BRME1: variants seen among roughly 807,000 people sequenced by gnomAD.
BRME1 encodes the protein BRCA2 and MEILB2-associating protein 1.
Under a neutral mutation model 52.6 loss-of-function variants are expected in BRME1, and 31 were observed. That is an observed-to-expected ratio of 0.59 (90% confidence interval 0.44 to 0.80). BRME1 has a LOEUF of 0.80. BRME1 is among the 30% of genes least tolerant of loss of function. BRME1 has a pLI of 0.00. For missense variants in BRME1, 804 were observed against 860.3 expected, an observed-to-expected ratio of 0.93 and a Z score of 0.82; for synonymous variants, 359 against 353.6, an observed-to-expected ratio of 1.02 and a Z score of -0.17.
intron 2 of BRME1, among the ~76,000 whole-genome samples, chr19:13,896,609 TATACATATGTATTTATAC>T (rs879686726): frequency 0.011 from 1,590 of 147,744 alleles, 8 homozygotes; most frequent in Non-Finnish European, 0.018. Context: ...TATATATATT[TATACATATGTATTTATAC>T]ATACATATGT....
chr19:13,893,005 T>C, intron 4 of BRME1, 115 bp from the exon 5 acceptor site: 1 of 1,361,918 alleles, frequency 7.3e-7, no homozygotes, highest in South Asian at 1.2e-5. Flanking sequence ...AACTCCACCC[T>C]TGCCCTCTGG....
intron 6 of BRME1, among the ~76,000 whole-genome samples, chr19:13,886,322 CG>C (rs1969016689): frequency 6.6e-6 from 1 of 152,206 alleles, no homozygotes; most frequent in Non-Finnish European, 1.5e-5. Context: ...CTCCTAGGCC[CG>C]GGCCTCCCAC....
intron 2 of BRME1, among the ~76,000 whole-genome samples, chr19:13,896,256 C>T (rs971971445): frequency 4.7e-5 from 7 of 149,812 alleles, no homozygotes; most frequent in Admixed American, 6.7e-5. Context: ...GTTGACAGAG[C>T]GAGACTCTGT....
rs969372955 is a variant in BRME1 at position 13,886,153 on chromosome 19, C to G, written c.1669-98G>C. ...CACGCTGATGCTTTTGGCTTCACCGCGGCCACAGCAGGTCACATCGGGGCT... is the reference window on the plus strand; with the variant it reads ...CACGCTGATGCTTTTGGCTTCACCGGGGCCACAGCAGGTCACATCGGGGCT... On this transcript the variant is annotated intron_variant, in intron 6 of 8. Transcript: ENST00000586783. 10 of 998,420 alleles carry G rather than the reference C, an allele frequency of 1.0e-5. No individual in the cohort carries two copies. The South Asian group carries it at 1.5e-4, about 15-fold the overall frequency. 61.8% of individuals were successfully genotyped at this position (998,420 alleles called of 1,614,324 possible).
intron 6 of BRME1, among the ~76,000 whole-genome samples, chr19:13,886,932 C>A (rs1223869484): frequency 6.6e-6 from 1 of 152,146 alleles, no homozygotes; most frequent in Non-Finnish European, 1.5e-5. Flanking sequence ...TGTGCCACTG[C>A]ACTCCAGCCT....
intron 6 of BRME1, among the ~76,000 whole-genome samples, chr19:13,887,579 C>A (rs182754450): frequency 1.3e-5 from 2 of 152,314 alleles, no homozygotes; most frequent in East Asian, 3.9e-4. Flanking sequence ...CATTTCCCAG[C>A]CTTCTCTCCA....
At position 13,889,539 on chromosome 19, in the gene BRME1, G is replaced by C; in HGVS notation, c.1317C>G (p.Ser439=). 1 of 1,613,776 alleles carries C rather than the reference G, an allele frequency of 6.2e-7. No individual in the cohort carries two copies. The highest frequency in any genetic ancestry group is 1.1e-5 in the South Asian group (1 of 91,082). ...GATTGACACATGGACCTGTGTCCGG[G>C]GATGCATGACCGGAATCTCCAGCAC... ...MMGAGDSGHA[S]PDTGPCVNQK... is the part of the protein sequence containing the mutation. The change falls in exon 6 of 9, where the codon TCC becomes TCG. Residue 439 remains serine, a synonymous_variant. Transcript: ENST00000586783.
intron 1 of BRME1, among the ~76,000 whole-genome samples, 182 bp downstream of exon 1, chr19:13,905,533 G>A (rs999358780): frequency 6.6e-6 from 1 of 150,434 alleles, no homozygotes; most frequent in Non-Finnish European, 1.5e-5. Flanking sequence ...AATTAGTCAG[G>A]TGCGGTGGCA....
At chr19:13,903,140 G>A (rs920677512) in intron 2 of BRME1, among the ~76,000 whole-genome samples, 4 of 152,046 alleles carry the variant, frequency 2.6e-5, no homozygotes, top group African/African-American at 9.7e-5. Flanking sequence ...TAAAAGTCTG[G>A]AAGAAGAATT....
chr19:13,888,304 C>A lies in BRME1; in HGVS notation c.1668+884G>T, dbSNP rs531062972. 6.6e-6 allele frequency: 1 copy of A among 152,256 alleles called. No individual in the cohort carries two copies. Among genetic ancestry groups the A allele is most frequent in the African/African-American group, 2.4e-5 (1 of 41,386 alleles). 9.4% of individuals were successfully genotyped at this position (152,256 alleles called of 1,614,324 possible). ...AAATTGGACTCTGCGTTCCAGGACG[C>A]GGCGGCTGGGGCATGACCTGGGTGC... is the stretch of plus-strand genomic sequence containing the variant. On this transcript the variant is annotated intron_variant, in intron 6 of 8. Coordinates refer to ENST00000586783, the MANE Select transcript of BRME1 (RefSeq NM_001345843.2). This position sits in a 1 kb window ranked among gnomAD's most constrained non-coding sequence, Gnocchi z 4.1.
intron 3 of BRME1, among the ~76,000 whole-genome samples, chr19:13,894,580 T>G (rs1360402243): frequency 6.6e-6 from 1 of 152,146 alleles, no homozygotes; most frequent in Admixed American, 6.6e-5. Context: ...GGCTAATTAT[T>G]TTATTTCTTG....
rs901408909 is a variant in BRME1 at position 13,891,572 on chromosome 19, G to A, written c.394-1110C>T. On this transcript the variant is annotated intron_variant, in intron 5 of 8. Coordinates refer to ENST00000586783, the MANE Select transcript of BRME1 (RefSeq NM_001345843.2). ...AGTTTTGACCTTCCTAGATTCAGAC[G>A]ACCCTCCCACCTCAGCCTCCTAAGT... is the stretch of plus-strand genomic sequence containing the variant. Among the ~76,000 whole-genome samples, 7 of 151,828 alleles carry A rather than the reference G, an allele frequency of 4.6e-5. 1 individual carries two copies. Among genetic ancestry groups the A allele is most frequent in the Admixed American group, 1.3e-4 (2 of 15,246 alleles).
chr19:13,892,181 C>T (rs755300952), intron 5 of BRME1, among the ~76,000 whole-genome samples: 1 of 152,156 alleles, frequency 6.6e-6, no homozygotes, highest in Admixed American at 6.6e-5. Context: ...CTGCACCTGG[C>T]CAATTGCCTA....
intron 6 of BRME1, among the ~76,000 whole-genome samples, chr19:13,886,590 G>A (rs550226919): frequency 1.9e-4 from 29 of 152,240 alleles, no homozygotes; most frequent in African/African-American, 7.0e-4. Flanking sequence ...CGGCGCTTAA[G>A]CTTCTAAGCG....
intron 3 of BRME1, 48 bp downstream of exon 3, chr19:13,895,324 T>C (rs1415124137): frequency 1.5e-5 from 23 of 1,574,260 alleles, no homozygotes; most frequent in African/African-American, 5.4e-5. Context: ...TGCTGTGCTA[T>C]GTGGACTGTC....
In BRME1 at chr19:13,883,381, C is replaced by T; in HGVS notation, c.1783G>A (p.Ala595Thr). 1 of 1,534,510 alleles carries T rather than the reference C, an allele frequency of 6.5e-7. No individual in the cohort carries two copies. The highest frequency in any genetic ancestry group is 2.4e-5 in the East Asian group (1 of 40,838). ...TCCTCCATCCTGGAGGCCTCAGAGG[C>T]CTGGATCCCCACGAAGGTCCTGGCC... ...AQPRTFVGIQ[A>T]SEASRMEDAT... The change falls in exon 8 of 9, where the codon GCC (alanine) becomes ACC (threonine). Residue 595 changes from alanine to threonine, a missense_variant. By Grantham distance (58) the Ala-to-Thr change is moderately conservative. Around this residue, in one of 3 missense-constraint regions of BRME1, gnomAD observed 552 missense variants for 561.1 expected, o/e 0.98. Transcript: ENST00000586783. The surrounding 1 kb of genome is among the most constrained non-coding windows in gnomAD (Gnocchi z 4.2).
intron 5 of BRME1, among the ~76,000 whole-genome samples, chr19:13,892,550 C>T (rs1025703974): frequency 6.6e-6 from 1 of 151,856 alleles, no homozygotes; most frequent in Admixed American, 6.6e-5. Flanking sequence ...ATGGCACCAT[C>T]GCACTCCAGC....
At chr19:13,892,718 G>C in intron 5 of BRME1, 68 bp downstream of exon 5, 2 of 1,310,738 alleles carry the variant, frequency 1.5e-6, no homozygotes, top group Non-Finnish European at 2.2e-6. Context: ...GGTTAAATGG[G>C]GCTGCCGAGG....
chr19:13,889,148 G>T (rs1226193514), intron 6 of BRME1, 40 bp downstream of exon 6: 1 of 1,515,336 alleles, frequency 6.6e-7, no homozygotes, highest in Non-Finnish European at 8.8e-7. Context: ...TTGGGTGCCT[G>T]CCCTGGGCAG....
Sources: allele counts gnomAD v4.1 joint callset (sites outside exome capture counted in the v4.1 genomes callset), GRCh38; gene constraint gnomAD v4.1.1; regional missense constraint gnomAD v4.1.1; non-coding constraint Gnocchi (gnomAD v3.1); transcripts MANE v1.5; gene names NCBI Gene and HGNC (gene_info 2026-07-23, HGNC 2026-07-21).